The following WHRN variants were observed in gnomAD, a reference collection of about 807,000 sequenced individuals.
The protein encoded by WHRN is whirlin.
Under a neutral mutation model 68.3 loss-of-function variants are expected in WHRN, and 41 were observed. The ratio of observed to expected loss-of-function variants is 0.60; its 90% confidence interval spans 0.47 to 0.78. The LOEUF is 0.78. Ranked by LOEUF, WHRN falls within the 30% of genes least tolerant of loss-of-function variation. WHRN has a pLI of 0.00. For missense variants in WHRN, 1,243 were observed against 1,244.7 expected, an observed-to-expected ratio of 1.00 and a Z score of 0.02; for synonymous variants, 560 against 561.3, an observed-to-expected ratio of 1.00 and a Z score of 0.03.
At chr9:114,459,402 G>T (rs1188122138) in intron 3 of WHRN, among the ~76,000 whole-genome samples, 1 of 152,154 alleles carries the variant, frequency 6.6e-6, no homozygotes, top group Non-Finnish European at 1.5e-5. Context: ...GGTGGAGATT[G>T]CAGTGAGCTG....
Position 114,426,273 on chromosome 9 carries a change from A to G in WHRN, c.1104T>C (p.Thr368=). The change falls in exon 4 of 12, where the codon ACT becomes ACC. Residue 368 remains threonine, a synonymous_variant. Coordinates refer to ENST00000362057, the MANE Select transcript of WHRN (RefSeq NM_015404.4). Reference sequence around the variant, plus strand: ...TGGCGATCCACTTGGTCTCGTCCACAGTGGTGCGGGCATGGGGCAGCCTCC... The same window carrying G: ...TGGCGATCCACTTGGTCTCGTCCACGGTGGTGCGGGCATGGGGCAGCCTCC... The part of the protein sequence containing the change: ...DVGRLPHART[T]VDETKWIASS... The G allele has an allele frequency of 6.2e-7, 1 of 1,613,248 alleles. No homozygotes were observed. The highest frequency in any genetic ancestry group is 8.5e-7 in the Non-Finnish European group (1 of 1,180,032).
chr9:114,486,725 A>G (rs1453364766), intron 1 of WHRN, among the ~76,000 whole-genome samples: 5 of 144,776 alleles, frequency 3.5e-5, no homozygotes, highest in Non-Finnish European at 7.5e-5. Flanking sequence ...CCCTGGAGGT[A>G]GGCTGTGGGA....
intron 1 of WHRN, among the ~76,000 whole-genome samples, chr9:114,499,134 G>GA: frequency 6.6e-6 from 1 of 152,216 alleles, no homozygotes; most frequent in Non-Finnish European, 1.5e-5. Flanking sequence ...ATAGTCTATT[G>GA]AAAAAATAAA....
intron 3 of WHRN, among the ~76,000 whole-genome samples, chr9:114,459,089 T>G (rs1225390603): frequency 6.6e-6 from 1 of 152,096 alleles, no homozygotes; most frequent in African/African-American, 2.4e-5. Context: ...AAAAGAACAT[T>G]CATTCTTTAC....
chr9:114,436,653 AC>A (rs1338426222), intron 3 of WHRN, among the ~76,000 whole-genome samples: 3 of 152,112 alleles, frequency 2.0e-5, no homozygotes, highest in Non-Finnish European at 4.4e-5. Context: ...ACATGGTGAA[AC>A]CCCGTCTCTA....
Position 114,403,885 on chromosome 9 carries a change from T to C in WHRN, c.2418+11A>G, listed in dbSNP as rs1253743731. The stretch of plus-strand genomic sequence containing the variant: ...CTCTCAGCCCTCTGCATCCTCCTCC[T>C]CCTGGCTCACCGGTTTGTTGGCCCC... On this transcript the variant is annotated intron_variant, in intron 10 of 11. Transcript: ENST00000362057. The C allele has an allele frequency of 9.3e-6, 15 of 1,609,794 alleles. No homozygotes were observed. The highest frequency in any genetic ancestry group is 1.2e-5 in the Non-Finnish European group (14 of 1,179,998).
chr9:114,406,446 T>C lies in WHRN; in HGVS notation c.2145A>G (p.Thr715=), dbSNP rs1452226681. 1.2e-6 allele frequency: 2 copies of C among 1,614,120 alleles called. No homozygotes were observed. ...CCATGACAAAGTGCTGGTTTGTGCCTGTCTGGTCTGGGTGGCCAGAGGGTG... is the reference window on the plus strand; with the variant it reads ...CCATGACAAAGTGCTGGTTTGTGCCCGTCTGGTCTGGGTGGCCAGAGGGTG... ...PPSPSGHPDQ[T]GTNQHFVMVE... The change falls in exon 9 of 12, where the codon ACA becomes ACG. Residue 715 remains threonine, a synonymous_variant. Coordinates refer to ENST00000362057, the MANE Select transcript of WHRN (RefSeq NM_015404.4).
intron 8 of WHRN, 89 bp downstream of exon 8, chr9:114,407,857 CT>C: frequency 2.6e-6 from 3 of 1,151,664 alleles, no homozygotes; most frequent in Non-Finnish European, 3.8e-6. Flanking sequence ...ACCCTGTGCC[CT>C]TTCTCCGTGG....
In WHRN at chr9:114,404,092, AG is replaced by A. The variant is rs762629182; in HGVS notation, c.2237-16del. ...CGTAGAGGCTGCTGGAGAGGGGAAAAGGAAGAGAGAAGCAGCTTATATAGCT... is the reference window on the plus strand; with the variant it reads ...CGTAGAGGCTGCTGGAGAGGGGAAAAGAAGAGAGAAGCAGCTTATATAGCT... On this transcript the variant is annotated splice_polypyrimidine_tract_variant and intron_variant, in intron 9 of 11. Coordinates refer to ENST00000362057, the MANE Select transcript of WHRN (RefSeq NM_015404.4). The A allele has an allele frequency of 7.4e-6, 12 of 1,611,004 alleles. No homozygotes were observed. In the South Asian group the frequency reaches 1.1e-4, roughly 15 times the overall value.
At chr9:114,494,927 T>TGG (rs35517002) in intron 1 of WHRN, among the ~76,000 whole-genome samples, 6 of 150,766 alleles carry the variant, frequency 4.0e-5, no homozygotes, top group East Asian at 1.9e-4. Flanking sequence ...GCCATGACAC[T>TGG]GGGGGGGGGA....
intron 3 of WHRN, among the ~76,000 whole-genome samples, chr9:114,461,750 T>A (rs945359475): frequency 8.5e-5 from 13 of 152,366 alleles, no homozygotes; most frequent in Non-Finnish European, 1.6e-4. Flanking sequence ...CCAGGAAGTC[T>A]TCCCAGATAT....
chr9:114,477,754 A>G (rs894506346), intron 2 of WHRN, among the ~76,000 whole-genome samples: 1 of 152,120 alleles, frequency 6.6e-6, no homozygotes, highest in Non-Finnish European at 1.5e-5. Context: ...TCCTTCCAGT[A>G]CATCCCTGCT....
chr9:114,496,980 A>G (rs1293460836), intron 1 of WHRN, among the ~76,000 whole-genome samples: 2 of 152,232 alleles, frequency 1.3e-5, no homozygotes, highest in Admixed American at 1.3e-4. Context: ...GGATGGAGGA[A>G]TCCTAAAGGA....
chr9:114,449,901 G>C (rs562089784), intron 3 of WHRN, among the ~76,000 whole-genome samples: 40 of 152,208 alleles, frequency 2.6e-4, no homozygotes, highest in African/African-American at 9.2e-4. Flanking sequence ...AGCTCATGTT[G>C]TCTTGACAAT....
intron 3 of WHRN, among the ~76,000 whole-genome samples, chr9:114,444,022 T>A (rs1209705385): frequency 1.3e-5 from 2 of 152,132 alleles, no homozygotes; most frequent in South Asian, 2.1e-4. Flanking sequence ...CAGTATGGGG[T>A]TTCCCCCCAC....
intron 3 of WHRN, among the ~76,000 whole-genome samples, chr9:114,435,621 T>G (rs897794274): frequency 1.3e-5 from 2 of 152,192 alleles, no homozygotes; most frequent in Admixed American, 6.5e-5. Context: ...GGGGTGTCAC[T>G]GGTCCAAGGC....
chr9:114,467,448 T>G (rs1209359346), intron 2 of WHRN, among the ~76,000 whole-genome samples: 2 of 146,586 alleles, frequency 1.4e-5, no homozygotes, highest in African/African-American at 2.5e-5. Flanking sequence ...CTGACTGGCG[T>G]GGGGGGGTGC....
At chr9:114,426,901 A>G (rs1836921736) in intron 3 of WHRN, among the ~76,000 whole-genome samples, 2 of 152,208 alleles carry the variant, frequency 1.3e-5, no homozygotes, top group African/African-American at 4.8e-5. Flanking sequence ...TAAATGAGAA[A>G]ATTAGTTTTC....
chr9:114,431,003 G>A (rs1337205421), intron 3 of WHRN, among the ~76,000 whole-genome samples: 2 of 152,122 alleles, frequency 1.3e-5, no homozygotes, highest in East Asian at 1.9e-4. Context: ...CCCAGGTCTA[G>A]GAGCCCTGTC....
Sources: allele counts gnomAD v4.1 joint callset (sites outside exome capture counted in the v4.1 genomes callset), GRCh38; gene constraint gnomAD v4.1.1; transcripts MANE v1.5; gene names NCBI Gene and HGNC (gene_info 2026-07-23, HGNC 2026-07-21).